MIA3: variants seen among roughly 807,000 people sequenced by gnomAD.
MIA3 encodes transport and Golgi organization protein 1 homolog.
In MIA3, 90 loss-of-function variants were observed where a neutral mutation model predicts 192.4. That is an observed-to-expected ratio of 0.47 (90% CI 0.39 to 0.56). The LOEUF (loss-of-function observed/expected upper bound fraction) is 0.56. Among genes scored for constraint, MIA3 ranks in the 20% least tolerant of loss-of-function variants. The probability of loss-of-function intolerance (pLI) is 0.00; values close to 1 mark genes in which losing one functional copy is unlikely to be tolerated. For missense variants in MIA3, 2,123 were observed against 2,269.4 expected, an observed-to-expected ratio of 0.94 and a Z score of 1.31; for synonymous variants, 740 against 792.8, an observed-to-expected ratio of 0.93 and a Z score of 1.12.
At chr1:222,653,418 G>A (rs1663547507) in intron 15 of MIA3, 79 bp downstream of exon 15, 4 of 863,364 alleles carry the variant, frequency 4.6e-6, no homozygotes, top group Non-Finnish European at 7.5e-6. Context: ...TCAGCTGGCT[G>A]CATTTCCTCT....
intron 1 of MIA3, among the ~76,000 whole-genome samples, chr1:222,620,297 C>T (rs1571855028): frequency 6.6e-6 from 1 of 152,224 alleles, no homozygotes. Flanking sequence ...TGTATGTGGT[C>T]AACAAAAATA....
intron 2 of MIA3, among the ~76,000 whole-genome samples, chr1:222,621,809 G>GTTT (rs148013914): frequency 7.2e-5 from 7 of 97,144 alleles, no homozygotes; most frequent in Admixed American, 9.8e-5. Flanking sequence ...TTTCTTGTTT[G>GTTT]TTTGTTTTTT....
chr1:222,645,403 T>G, intron 6 of MIA3, 151 bp from the exon 7 acceptor site: 2 of 622,542 alleles, frequency 3.2e-6, no homozygotes, highest in Non-Finnish European at 5.5e-6. Context: ...ATCCTGTTTT[T>G]CTTAAAGCAG....
At chr1:222,619,238 CTA>C (rs1041696729) in intron 1 of MIA3, among the ~76,000 whole-genome samples, 1 of 152,206 alleles carries the variant, frequency 6.6e-6, no homozygotes, top group African/African-American at 2.4e-5. Context: ...CCTCTTCCCT[CTA>C]TGTTCGCCGG....
chr1:222,659,743 C>T lies in MIA3; in HGVS notation c.4816C>T (p.Arg1606Cys), dbSNP rs768376856. ...TATTTTTCTTCAATAGCTCAAAGCTCGTGCTGCAGAAAGAGCTATAGCTGA... is the reference window on the plus strand; with the variant it reads ...TATTTTTCTTCAATAGCTCAAAGCTTGTGCTGCAGAAAGAGCTATAGCTGA... ...KKAHENWLKA[R>C]AAERAIAEEK... The change falls in exon 22 of 28, where the codon CGT becomes TGT. Residue 1606 changes from arginine (R) to cysteine (C), a missense_variant. Arg to Cys is a radical substitution (Grantham distance 180). Around this residue, in one of 3 missense-constraint regions of MIA3, gnomAD observed 762 missense variants for 856.4 expected, o/e 0.89. Coordinates refer to ENST00000344922, the MANE Select transcript of MIA3 (RefSeq NM_198551.4). 17 of 1,613,932 alleles carry T rather than the reference C, an allele frequency of 1.1e-5. No individual in the cohort carries two copies. The South Asian group carries it at 1.1e-4, about 10-fold the overall frequency.
At chr1:222,642,972 T>C (rs2124880963) in intron 6 of MIA3, among the ~76,000 whole-genome samples, 1 of 152,348 alleles carries the variant, frequency 6.6e-6, no homozygotes, top group South Asian at 2.1e-4. Context: ...TACAAATATT[T>C]TTTCTTAGGT....
chr1:222,647,868 A>C (rs1158349111), intron 7 of MIA3: 1 of 366,674 alleles, frequency 2.7e-6, no homozygotes, highest in Non-Finnish European at 5.7e-6. Flanking sequence ...TATTCCTATA[A>C]CAATGGTATT....
chr1:222,644,415 A>G (rs1663025602), intron 6 of MIA3: 16 of 1,542,022 alleles, frequency 1.0e-5, no homozygotes, highest in Non-Finnish European at 1.3e-5. Flanking sequence ...AAGCTCTGAA[A>G]AACAGGGGGC....
chr1:222,658,579 GAC>G, intron 18 of MIA3, 141 bp from the exon 19 acceptor site: 1 of 563,646 alleles, frequency 1.8e-6, no homozygotes, highest in South Asian at 2.6e-5. Context: ...TATCCTAAAG[GAC>G]AGTTTTATTT....
At position 222,667,109 on chromosome 1, in the gene MIA3, GA is replaced by G. The variant is rs1311135972; in HGVS notation, c.*1493del. ...TAAAAAGGAGCAAAAGCTTCAATGTGAAACAATTTTCTCTCTTTATACTAAA... is the reference window on the plus strand; with the variant it reads ...TAAAAAGGAGCAAAAGCTTCAATGTGAACAATTTTCTCTCTTTATACTAAA... On this transcript the variant is annotated 3_prime_UTR_variant, in exon 28 of 28. Transcript: ENST00000344922. 1 of 152,116 alleles carries G rather than the reference GA, an allele frequency of 6.6e-6. No individual in the cohort carries two copies. The highest frequency in any genetic ancestry group is 1.5e-5 in the Non-Finnish European group (1 of 68,014). The allele number at this position is 152,116 out of a possible 1,614,324, so 9.4% of individuals were successfully genotyped here. A position where few individuals can be genotyped will look rare whatever the true frequency, so the allele number is the denominator to read the frequency against.
chr1:222,651,035 G>C (rs948544825), intron 11 of MIA3, 132 bp downstream of exon 11: 32 of 585,786 alleles, frequency 5.5e-5, no homozygotes, highest in Non-Finnish European at 8.4e-5. Context: ...ACCTACTTCT[G>C]TCCATTTTTG....
chr1:222,641,707 C>G, intron 6 of MIA3: 1 of 554,792 alleles, frequency 1.8e-6, no homozygotes, highest in South Asian at 1.4e-5. Flanking sequence ...ATTGTTCTCG[C>G]TCAGCATGTT....
Position 222,665,792 on chromosome 1 carries a change from C to A in MIA3, c.*173C>A. The A allele has an allele frequency of 2.1e-6, 1 of 478,440 alleles. No homozygotes were observed. The highest frequency in any genetic ancestry group is 3.5e-6 in the Non-Finnish European group (1 of 287,024). 29.6% of individuals were successfully genotyped at this position (478,440 alleles called of 1,614,324 possible). On this transcript the variant is annotated 3_prime_UTR_variant, in exon 28 of 28. Transcript: ENST00000344922. ...GCCAAACAATTCAAAAATGTCATTTCTTCCCTAAATAAAAATCACCTTTTA... is the reference window on the plus strand; with the variant it reads ...GCCAAACAATTCAAAAATGTCATTTATTCCCTAAATAAAAATCACCTTTTA...
At chr1:222,660,619 C>T (rs1353965757) in intron 24 of MIA3, 1 of 204,330 alleles carries the variant, frequency 4.9e-6, no homozygotes, top group African/African-American at 2.4e-5. Flanking sequence ...CCTTGAACAA[C>T]ACAAGTTTGG....
chr1:222,654,856 A>G (rs968045632), intron 18 of MIA3, 63 bp downstream of exon 18: 6 of 1,329,140 alleles, frequency 4.5e-6, no homozygotes, highest in African/African-American at 1.5e-5. Flanking sequence ...GTGTACTAAT[A>G]TAGATAATGT....
rs371816838 is a variant in MIA3, at chr1:222,628,631, G to T, written c.1411G>T (p.Val471Phe). Residue 471 changes from valine to phenylalanine, a missense_variant, in exon 4 of 28, where the codon GTT becomes TTT. Transcript: ENST00000344922. ...TCACATTAAAGGAAAAGGGAGGGGA[G>T]TTCAGGAATCCAAGAGGGGCCTGGT... ...EHHIKGKGRG[V>F]QESKRGLVQD... 26 of 1,613,806 alleles carry T rather than the reference G, an allele frequency of 1.6e-5. No individual in the cohort carries two copies. Among genetic ancestry groups the T allele is most frequent in the Non-Finnish European group, 2.1e-5 (25 of 1,179,922 alleles).
Position 222,628,226 on chromosome 1 carries a change from G to A in MIA3, c.1006G>A (p.Gly336Arg), listed in dbSNP as rs553303555. Residue 336 changes from glycine to arginine, a missense_variant, in exon 4 of 28, where the codon GGG becomes AGG. By Grantham distance (125) the Gly-to-Arg change is moderately radical (BLOSUM62 -2). Transcript: ENST00000344922. ...DELPLLTFTD[G>R]EDMKTPAKSG... is the part of the protein sequence containing the mutation. ...GTTGCCATTACTTACCTTTACAGATGGGGAAGATATGAAAACTCCAGCAAA... is the reference window on the plus strand; with the variant it reads ...GTTGCCATTACTTACCTTTACAGATAGGGAAGATATGAAAACTCCAGCAAA... The A allele has an allele frequency of 4.3e-5, 70 of 1,614,096 alleles. No homozygotes were observed. The African/African-American group carries it at 8.4e-4, about 19-fold the overall frequency.
At chr1:222,632,866 A>G (rs1201537546) in intron 5 of MIA3, among the ~76,000 whole-genome samples, 4 of 152,232 alleles carry the variant, frequency 2.6e-5, no homozygotes, top group Non-Finnish European at 4.4e-5. Context: ...GAAGGGGTCC[A>G]AGTATGTTTA....
At chr1:222,640,340 T>C (rs1211145390) in intron 6 of MIA3, among the ~76,000 whole-genome samples, 1 of 152,020 alleles carries the variant, frequency 6.6e-6, no homozygotes, top group African/African-American at 2.4e-5. Context: ...ACAATTCATA[T>C]GGAAAATGCA....
Sources: allele counts gnomAD v4.1 joint callset (sites outside exome capture counted in the v4.1 genomes callset), GRCh38; gene constraint gnomAD v4.1.1; regional missense constraint gnomAD v4.1.1; transcripts MANE v1.5; gene names NCBI Gene and HGNC (gene_info 2026-07-23, HGNC 2026-07-21).